Variants in FNDC1 observed in about 807,000 individuals in gnomAD.
FNDC1 encodes the protein fibronectin type III domain containing 1.
FNDC1 carries 96 observed loss-of-function variants against 168.0 expected under a neutral mutation model. The observed-to-expected ratio is 0.57, with a 90% CI of 0.48 to 0.68. FNDC1 has a LOEUF of 0.68. Ranked by LOEUF, FNDC1 falls within the 30% of genes least tolerant of loss-of-function variation. FNDC1 has a pLI of 0.00. For synonymous variants in FNDC1, 1,099 were observed against 1,025.9 expected, an observed-to-expected ratio of 1.07 and a Z score of -1.36; for missense variants, 2,587 against 2,482.1, an observed-to-expected ratio of 1.04 and a Z score of -0.90.
chr6:159,238,572 G>A lies in FNDC1; in HGVS notation c.4087G>A (p.Gly1363Arg). ...GATTTAGGTTGTGGACCTTGATCGT[G>A]GGTTAGTATTGAATGCAGAAGGAAG... Reference protein sequence around the residue: ...GTKWVVDLDRGLVLNAEGRYL... With the variant: ...GTKWVVDLDRRLVLNAEGRYL... Residue 1363 changes from glycine to arginine, a missense_variant, in exon 13 of 23, where the codon GGG becomes AGG. Coordinates refer to ENST00000297267, the MANE Select transcript of FNDC1 (RefSeq NM_032532.3). 1 of 1,610,540 alleles carries A rather than the reference G, an allele frequency of 6.2e-7. No individual in the cohort carries two copies. The highest frequency in any genetic ancestry group is 1.1e-5 in the South Asian group (1 of 89,810).
rs112291600 is a variant in FNDC1 at position 159,189,502 on chromosome 6, T to C, written c.110-7929T>C. ...ACAATACAGTGTGGATTGGCTTCCT[T>C]ATAGAGATTGTGTGGAGGACTCTAA... On this transcript the variant is annotated intron_variant, in intron 1 of 22. Coordinates refer to ENST00000297267, the MANE Select transcript of FNDC1 (RefSeq NM_032532.3). Among the ~76,000 whole-genome samples, 1,473 of 152,262 alleles carry C rather than the reference T, an allele frequency of 9.7e-3. 27 individuals are homozygous for C. Among genetic ancestry groups the C allele is most frequent in the African/African-American group, 0.034 (1,421 of 41,522 alleles).
Position 159,231,376 on chromosome 6 carries a change from C to T in FNDC1, c.1370-506C>T, listed in dbSNP as rs1454964963. 7.1e-5 allele frequency among the ~76,000 whole-genome samples: 2 copies of T among 28,068 alleles called. 1 individual carries two copies. Among genetic ancestry groups the T allele is most frequent in the African/African-American group, 1.1e-4 (2 of 18,168 alleles). 18.4% of individuals were successfully genotyped at this position (28,068 alleles called of 152,430 possible). ...CGGCCTGGGCGACAGAGCGAGACTC[C>T]GTCTCAAAAAAAAAAAAAATTACAA... On this transcript the variant is annotated intron_variant, in intron 10 of 22. Coordinates refer to ENST00000297267, the MANE Select transcript of FNDC1 (RefSeq NM_032532.3).
In FNDC1 at chr6:159,192,426, T is replaced by C. The variant is rs528474390; in HGVS notation, c.110-5005T>C. On this transcript the variant is annotated intron_variant, in intron 1 of 22. Coordinates refer to ENST00000297267, the MANE Select transcript of FNDC1 (RefSeq NM_032532.3). ...CATTATTTTTACCATTGGTTCACTTTATTCACTGATTCTGAACCTTCCTTC... is the reference window on the plus strand; with the variant it reads ...CATTATTTTTACCATTGGTTCACTTCATTCACTGATTCTGAACCTTCCTTC... Among the ~76,000 whole-genome samples, 11 of 152,362 alleles carry C rather than the reference T, an allele frequency of 7.2e-5. No individual in the cohort carries two copies. The South Asian group carries it at 2.3e-3, about 32-fold the overall frequency.
At chr6:159,224,640 C>T (rs770598063) in intron 7 of FNDC1, among the ~76,000 whole-genome samples, 5 of 152,166 alleles carry the variant, frequency 3.3e-5, no homozygotes, top group Non-Finnish European at 5.9e-5. Flanking sequence ...GTTCCTTTTA[C>T]CATTGGACTT....
intron 17 of FNDC1, among the ~76,000 whole-genome samples, chr6:159,254,724 A>G (rs1777338207): frequency 6.6e-6 from 1 of 151,792 alleles, no homozygotes; most frequent in Non-Finnish European, 1.5e-5. Flanking sequence ...AAAAAAAAAA[A>G]AAAAAATCAG....
chr6:159,208,820 C>T (rs987539730), intron 4 of FNDC1, among the ~76,000 whole-genome samples: 3 of 151,560 alleles, frequency 2.0e-5, no homozygotes, highest in Non-Finnish European at 4.4e-5. Flanking sequence ...TTCCTGATGG[C>T]CAGGCATTCA....
chr6:159,244,602 A>G (rs1053206615), intron 14 of FNDC1, among the ~76,000 whole-genome samples: 1 of 152,234 alleles, frequency 6.6e-6, no homozygotes, highest in African/African-American at 2.4e-5. Flanking sequence ...TGGTAGAATA[A>G]TGACATAGGA....
At chr6:159,212,932 C>T (rs573654207) in intron 4 of FNDC1, among the ~76,000 whole-genome samples, 2 of 152,296 alleles carry the variant, frequency 1.3e-5, no homozygotes, top group South Asian at 4.1e-4. Flanking sequence ...CTCTGCCTGG[C>T]CCTAAACAGC....
At chr6:159,260,531 C>T (rs902060896) in intron 18 of FNDC1, among the ~76,000 whole-genome samples, 5 of 152,126 alleles carry the variant, frequency 3.3e-5, no homozygotes, top group African/African-American at 7.2e-5. Flanking sequence ...CGCAGAAGCT[C>T]GTAACTCAGT....
At chr6:159,211,172 G>T (rs1212712581) in intron 4 of FNDC1, among the ~76,000 whole-genome samples, 1 of 152,214 alleles carries the variant, frequency 6.6e-6, no homozygotes, top group Non-Finnish European at 1.5e-5. Flanking sequence ...CATCAGGCCT[G>T]CTCTTTCAGG....
intron 14 of FNDC1, among the ~76,000 whole-genome samples, chr6:159,246,266 G>A (rs1777119743): frequency 6.6e-6 from 1 of 152,208 alleles, no homozygotes; most frequent in South Asian, 2.1e-4. Flanking sequence ...TATCTCCTGA[G>A]TCAGTGAGAG....
chr6:159,265,004 G>T lies in FNDC1; in HGVS notation c.5284G>T (p.Gly1762Cys). 1 of 1,605,510 alleles carries T rather than the reference G, an allele frequency of 6.2e-7. No homozygotes were observed. The highest frequency in any genetic ancestry group is 8.5e-7 in the Non-Finnish European group (1 of 1,174,966). Reference sequence around the variant, plus strand: ...TCCTCTGCTTGTTGTGAGGCCCCCAGGTAAGTTTATGTTCTTGATAATCTG... The same window carrying T: ...TCCTCTGCTTGTTGTGAGGCCCCCATGTAAGTTTATGTTCTTGATAATCTG... ...DNPLLVVRPPGGEPIWIPFAF... is the reference protein window; with the variant it reads ...DNPLLVVRPPCGEPIWIPFAF... Residue 1762 changes from glycine (G) to cysteine (C), a missense_variant and splice_region_variant, in exon 20 of 23, where the codon GGC (glycine) becomes TGC (cysteine). Gly to Cys is a radical substitution (Grantham distance 159, BLOSUM62 -3). Coordinates refer to ENST00000297267, the MANE Select transcript of FNDC1 (RefSeq NM_032532.3).
At chr6:159,242,411 T>C (rs1783443758) in intron 14 of FNDC1, among the ~76,000 whole-genome samples, 1 of 152,130 alleles carries the variant, frequency 6.6e-6, no homozygotes, top group South Asian at 2.1e-4. Flanking sequence ...GATGGGTTGA[T>C]CTGTCCAGCA....
chr6:159,271,065 C>T (rs918960086), intron 22 of FNDC1, among the ~76,000 whole-genome samples: 5 of 152,326 alleles, frequency 3.3e-5, no homozygotes, highest in African/African-American at 1.2e-4. Flanking sequence ...CCCTGAGTTA[C>T]AGCTGGGCTT....
intron 19 of FNDC1, among the ~76,000 whole-genome samples, chr6:159,263,971 C>T (rs1777543496): frequency 6.6e-6 from 1 of 151,950 alleles, no homozygotes; most frequent in Non-Finnish European, 1.5e-5. Context: ...AACAAACAAA[C>T]AAAAAAAGAA....
intron 6 of FNDC1, among the ~76,000 whole-genome samples, chr6:159,223,181 A>G (rs1782873006): frequency 6.6e-6 from 1 of 151,960 alleles, no homozygotes; most frequent in Admixed American, 6.6e-5. Flanking sequence ...ATTTTTTAGT[A>G]GAGACGGGGT....
At chr6:159,197,818 C>T (rs1334508881) in intron 2 of FNDC1, among the ~76,000 whole-genome samples, 193 bp downstream of exon 2, 1 of 152,216 alleles carries the variant, frequency 6.6e-6, no homozygotes, top group Non-Finnish European at 1.5e-5. Context: ...GACACTTGGG[C>T]TTCCCCATCC....
chr6:159,193,560 A>G (rs1291252542), intron 1 of FNDC1, among the ~76,000 whole-genome samples: 1 of 152,162 alleles, frequency 6.6e-6, no homozygotes, highest in Non-Finnish European at 1.5e-5. Flanking sequence ...CCCTGCAGAT[A>G]TTGGTCAGGT....
intron 7 of FNDC1, among the ~76,000 whole-genome samples, chr6:159,224,733 C>T (rs771060420): frequency 7.2e-5 from 11 of 152,198 alleles, no homozygotes; most frequent in Non-Finnish European, 1.3e-4. Flanking sequence ...CCTGTGTCTT[C>T]AACTGAAATC....
Sources: allele counts gnomAD v4.1 joint callset (sites outside exome capture counted in the v4.1 genomes callset), GRCh38; gene constraint gnomAD v4.1.1; transcripts MANE v1.5; gene names NCBI Gene and HGNC (gene_info 2026-07-23, HGNC 2026-07-21).